LARGE1: variants seen among roughly 807,000 people sequenced by gnomAD.
The protein encoded by LARGE1 is xylosyl- and glucuronyltransferase LARGE1.
LARGE1 carries 43 observed loss-of-function variants against 87.6 expected under a neutral mutation model. That is an observed-to-expected ratio of 0.49 (90% CI 0.38 to 0.63). The LOEUF is 0.63. LARGE1 is among the 30% of genes least tolerant of loss of function. The pLI, the probability that LARGE1 is intolerant of heterozygous loss-of-function variation, is 0.00. For synonymous variants in LARGE1, 434 were observed against 394.6 expected (o/e 1.10, Z -1.18); for missense variants, 802 against 1,000.2 (o/e 0.80, Z 2.67).
chr22:33,905,835 T>C (rs879264820), intron 1 of LARGE1, among the ~76,000 whole-genome samples: 1 of 152,136 alleles, frequency 6.6e-6, no homozygotes, highest in Non-Finnish European at 1.5e-5. Flanking sequence ...CTTTATAAAA[T>C]GAGGGAGGAC....
At chr22:33,710,518 A>G (rs12159427) in intron 2 of LARGE1, among the ~76,000 whole-genome samples, 24,136 of 152,170 alleles carry the variant, frequency 0.16, 2,070 homozygotes, top group African/African-American at 0.18. Context: ...TGGCTGGCTG[A>G]AGAAAGGAGA....
At chr22:33,113,379 G>A in the LARGE1 span, among the ~76,000 whole-genome samples, 1 of 151,924 alleles carries the variant, frequency 6.6e-6, no homozygotes, top group East Asian at 1.9e-4. Flanking sequence ...GGCTAATTTT[G>A]TATTTTTAGT....
intron 4 of LARGE1, among the ~76,000 whole-genome samples, chr22:33,608,360 G>A (rs1569309203): frequency 6.6e-6 from 1 of 152,094 alleles, no homozygotes; most frequent in Admixed American, 6.5e-5. Flanking sequence ...CTGCTTGGAA[G>A]CCCCATGAAT....
At chr22:33,701,797 A>T (rs569667639) in intron 2 of LARGE1, among the ~76,000 whole-genome samples, 1 of 152,354 alleles carries the variant, frequency 6.6e-6, no homozygotes, top group Admixed American at 6.5e-5. Flanking sequence ...GTTCCTAAGC[A>T]GAAAAGGGAC....
rs374538444 is a variant in LARGE1, at chr22:33,414,719, CA to C, written c.892+17441del. ...ATCCATATGTTGAAATCCTAATCTC[CA>C]AGAGGATGGTATTGGGGAGTTGGAG... On this transcript the variant is annotated intron_variant, in intron 7 of 14. Coordinates refer to ENST00000397394, the MANE Select transcript of LARGE1 (RefSeq NM_133642.5). Among the ~76,000 whole-genome samples, 605 of 152,282 alleles carry C rather than the reference CA, an allele frequency of 4.0e-3. 5 individuals are homozygous for C. The highest frequency in any genetic ancestry group is 0.014 in the African/African-American group (584 of 41,558).
the LARGE1 span, among the ~76,000 whole-genome samples, chr22:33,113,971 C>T: frequency 6.9e-4 from 105 of 151,554 alleles, no homozygotes; most frequent in African/African-American, 2.1e-3. Context: ...CCCGGGTTCA[C>T]GCCATTCTCC....
At chr22:33,453,548 T>C (rs1303324151) in intron 6 of LARGE1, among the ~76,000 whole-genome samples, 1 of 151,916 alleles carries the variant, frequency 6.6e-6, no homozygotes, top group African/African-American at 2.4e-5. Flanking sequence ...TTGTAGAGAG[T>C]CAGCTACAGT....
At chr22:33,670,858 A>T (rs2081386897) in intron 2 of LARGE1, among the ~76,000 whole-genome samples, 1 of 152,194 alleles carries the variant, frequency 6.6e-6, no homozygotes, top group South Asian at 2.1e-4. Flanking sequence ...ATTTATATGT[A>T]TCCTTTTTTT....
chr22:33,298,562 C>T (rs1933682463), intron 12 of LARGE1, among the ~76,000 whole-genome samples: 1 of 152,214 alleles, frequency 6.6e-6, no homozygotes, highest in Non-Finnish European at 1.5e-5. Context: ...GTGGCTCACG[C>T]CTGTAATCCT....
chr22:33,909,517 CTTT>C (rs1253082705), intron 1 of LARGE1, among the ~76,000 whole-genome samples: 1 of 140,126 alleles, frequency 7.1e-6, no homozygotes, highest in East Asian at 2.0e-4. Context: ...CCAACTTCTT[CTTT>C]TGTTTTTTTT....
chr22:33,288,951 T>A (rs1932035797), intron 12 of LARGE1, among the ~76,000 whole-genome samples: 1 of 145,802 alleles, frequency 6.9e-6, no homozygotes, highest in Non-Finnish European at 1.5e-5. Flanking sequence ...ATCAAGGAAT[T>A]ATTATTATTA....
chr22:33,556,367 A>G (rs1036814267), intron 6 of LARGE1, among the ~76,000 whole-genome samples: 1 of 152,070 alleles, frequency 6.6e-6, no homozygotes, highest in African/African-American at 2.4e-5. Flanking sequence ...CACATTTAAT[A>G]GATATTAGCA....
intron 6 of LARGE1, among the ~76,000 whole-genome samples, chr22:33,541,828 T>C (rs1461547277): frequency 6.6e-6 from 1 of 151,868 alleles, no homozygotes; most frequent in Non-Finnish European, 1.5e-5. Flanking sequence ...AACAAACATT[T>C]GGGGTTGAGC....
At chr22:33,346,265 CTCTCTCTT>C (rs1240546092) in intron 9 of LARGE1, among the ~76,000 whole-genome samples, 1 of 150,612 alleles carries the variant, frequency 6.6e-6, no homozygotes, top group Non-Finnish European at 1.5e-5. Flanking sequence ...TCTTCTCTCT[CTCTCTCTT>C]TCTTTCCTCC....
At chr22:33,295,414 C>T (rs1008938760) in intron 12 of LARGE1, among the ~76,000 whole-genome samples, 4 of 152,206 alleles carry the variant, frequency 2.6e-5, no homozygotes, top group Admixed American at 6.5e-5. Context: ...CTCTTGTCTC[C>T]AGCTGTCCCT....
At chr22:33,801,858 T>A (rs1424692028) in intron 1 of LARGE1, among the ~76,000 whole-genome samples, 1 of 152,086 alleles carries the variant, frequency 6.6e-6, no homozygotes, top group African/African-American at 2.4e-5. Flanking sequence ...GGGAAGATAA[T>A]TATGGCATCT....
chr22:33,250,107 T>C (rs1417371431), intron 11 of LARGE1, among the ~76,000 whole-genome samples: 6 of 152,192 alleles, frequency 3.9e-5, no homozygotes, highest in Non-Finnish European at 8.8e-5. Flanking sequence ...CTGCATTGAA[T>C]CTACAGATAA....
At chr22:33,389,049 G>A (rs945263333) in intron 7 of LARGE1, among the ~76,000 whole-genome samples, 2 of 152,236 alleles carry the variant, frequency 1.3e-5, no homozygotes, top group Non-Finnish European at 2.9e-5. Flanking sequence ...ACAGGAGGGA[G>A]GCCTGGGTGG....
chr22:33,119,030 A>G, the LARGE1 span, among the ~76,000 whole-genome samples: 1 of 152,238 alleles, frequency 6.6e-6, no homozygotes, highest in African/African-American at 2.4e-5. Flanking sequence ...TTTCAAATGG[A>G]CTAAGCTTTA....
Sources: gnomAD v4.1 joint callset for allele counts (sites outside exome capture counted in the v4.1 genomes callset) on GRCh38, gnomAD v4.1.1 for gene constraint, MANE v1.5 for transcripts, NCBI Gene and HGNC (gene_info 2026-07-23, HGNC 2026-07-21) for gene names.